Variants in YAP1 observed in about 807,000 individuals in gnomAD.
YAP1 encodes the protein Yes1 associated transcriptional regulator, also known as transcriptional coactivator YAP1.
A neutral mutation model predicts 56.9 loss-of-function variants in YAP1; 5 were observed. The ratio of observed to expected loss-of-function variants is 0.09; its 90% confidence interval spans 0.05 to 0.18. The LOEUF is 0.18. YAP1 is among the 10% of genes least tolerant of loss of function. The pLI, the probability that YAP1 is intolerant of heterozygous loss-of-function variation, is 1.00. For missense variants in YAP1, 539 were observed against 651.8 expected (o/e 0.83, Z 1.88); for synonymous variants, 265 against 248.1 (o/e 1.07, Z -0.64).
rs377303467 is a variant in YAP1 at position 102,138,125 on chromosome 11, TC to T, written c.572+23733del. The stretch of plus-strand genomic sequence containing the variant: ...TGGTCTCAAACTCCTGACCCTGTGA[TC>T]CGCCTGCCTTGGCCTCCCAAAGTGC... On this transcript the variant is annotated intron_variant, in intron 2 of 8. Coordinates refer to ENST00000282441, the MANE Select transcript of YAP1 (RefSeq NM_001130145.3). Among the ~76,000 whole-genome samples, 936 of 152,344 alleles carry T rather than the reference TC, an allele frequency of 6.1e-3. 10 individuals are homozygous for T. The highest frequency in any genetic ancestry group is 0.021 in the African/African-American group (894 of 41,588).
intron 5 of YAP1, 35 bp from the exon 6 acceptor site, chr11:102,209,482 A>G (rs1301332112): frequency 2.5e-6 from 4 of 1,593,414 alleles, no homozygotes; most frequent in Middle Eastern, 1.7e-4. Context: ...ATGTGGCTTA[A>G]AGTAATTTTT....
At chr11:102,203,301 G>C (rs949511531) in intron 4 of YAP1, among the ~76,000 whole-genome samples, 4 of 152,210 alleles carry the variant, frequency 2.6e-5, no homozygotes, top group Non-Finnish European at 4.4e-5. Context: ...ACAATGTATG[G>C]ACCTTGTTTG....
chr11:102,157,077 A>G (rs1945997496), intron 2 of YAP1, among the ~76,000 whole-genome samples: 2 of 152,226 alleles, frequency 1.3e-5, no homozygotes, highest in African/African-American at 2.4e-5. Context: ...ATACTTGTTC[A>G]TAATTTTAAC....
chr11:102,119,787 CT>C (rs766035345), intron 2 of YAP1, among the ~76,000 whole-genome samples: 8 of 152,038 alleles, frequency 5.3e-5, no homozygotes, highest in Non-Finnish European at 1.0e-4. Flanking sequence ...TGCCTTGTAC[CT>C]TAAGGCTTTG....
intron 6 of YAP1, among the ~76,000 whole-genome samples, chr11:102,221,941 A>G (rs1444559516): frequency 6.6e-6 from 1 of 152,112 alleles, no homozygotes; most frequent in East Asian, 1.9e-4. Flanking sequence ...AGCGAAAGTT[A>G]ATGTGTAATT....
intron 2 of YAP1, among the ~76,000 whole-genome samples, chr11:102,128,329 C>T (rs556546591): frequency 5.9e-5 from 9 of 152,174 alleles, no homozygotes; most frequent in South Asian, 2.1e-4. Context: ...TAGTCTTTCC[C>T]GTGCTATTCT....
chr11:102,222,808 G>A (rs1949996685), intron 6 of YAP1, among the ~76,000 whole-genome samples: 2 of 151,756 alleles, frequency 1.3e-5, no homozygotes, highest in African/African-American at 4.8e-5. Context: ...TAGTGTTGGG[G>A]GTTGGGGAAG....
At position 102,166,162 on chromosome 11, in the gene YAP1, A is replaced by C. The variant is rs190457621; in HGVS notation, c.688+3591A>C. Among the ~76,000 whole-genome samples the C allele has an allele frequency of 3.3e-5, 5 of 152,300 alleles. No individual in the cohort carries two copies. The East Asian group carries it at 7.7e-4, about 23-fold the overall frequency. The stretch of plus-strand genomic sequence containing the variant: ...CAAATTAGAGTGAAGTGTTATCTTA[A>C]ATATATATGAATTCCCAGAATCAGA... On this transcript the variant is annotated intron_variant, in intron 3 of 8. Transcript: ENST00000282441.
intron 4 of YAP1, among the ~76,000 whole-genome samples, chr11:102,188,262 G>T (rs537759188): frequency 1.3e-5 from 2 of 152,220 alleles, no homozygotes; most frequent in African/African-American, 4.8e-5. Flanking sequence ...TTTGCTTTTC[G>T]ATATTCTTCA....
intron 3 of YAP1, among the ~76,000 whole-genome samples, chr11:102,166,254 C>T (rs1252539835): frequency 6.6e-6 from 1 of 152,182 alleles, no homozygotes; most frequent in African/African-American, 2.4e-5. Context: ...GCTGAGGGTA[C>T]TGATAATATC....
At chr11:102,150,424 A>G (rs189425799) in intron 2 of YAP1, among the ~76,000 whole-genome samples, 2 of 152,314 alleles carry the variant, frequency 1.3e-5, no homozygotes, top group Admixed American at 6.5e-5. Flanking sequence ...TTTTAAAGTG[A>G]TGACGTAGTG....
At position 102,149,853 on chromosome 11, in the gene YAP1, G is replaced by C. The variant is rs184704173; in HGVS notation, c.573-12603G>C. 2.4e-3 allele frequency among the ~76,000 whole-genome samples: 360 copies of C among 151,958 alleles called. 2 individuals are homozygous for C. Among genetic ancestry groups the C allele is most frequent in the Middle Eastern group, 0.01 (3 of 290 alleles). ...TGACATCACCTGGCATGATGACTTTGCTCATAGTTGTTGCTCAGGAACATT... is the reference window on the plus strand; with the variant it reads ...TGACATCACCTGGCATGATGACTTTCCTCATAGTTGTTGCTCAGGAACATT... On this transcript the variant is annotated intron_variant, in intron 2 of 8. Transcript: ENST00000282441.
intron 2 of YAP1, among the ~76,000 whole-genome samples, chr11:102,141,942 G>A (rs1247379845): frequency 2.0e-5 from 3 of 152,138 alleles, no homozygotes; most frequent in Admixed American, 6.6e-5. Context: ...TATGTGATTC[G>A]TAAGAACTTT....
chr11:102,158,642 A>G (rs1451239523), intron 2 of YAP1, among the ~76,000 whole-genome samples: 1 of 152,186 alleles, frequency 6.6e-6, no homozygotes, highest in Non-Finnish European at 1.5e-5. Flanking sequence ...TTATCACAGT[A>G]CCAGTATCAA....
At chr11:102,229,621 G>A in intron 8 of YAP1, 81 bp from the exon 9 acceptor site, 1 of 1,324,704 alleles carries the variant, frequency 7.5e-7, no homozygotes, top group Non-Finnish European at 1.1e-6. Context: ...CTTTCCCTGT[G>A]CATTTCTCTG....
At chr11:102,191,346 G>A (rs1360521039) in intron 4 of YAP1, among the ~76,000 whole-genome samples, 2 of 151,444 alleles carry the variant, frequency 1.3e-5, no homozygotes, top group East Asian at 1.9e-4. Flanking sequence ...ACGATTCCTC[G>A]GACCACCAAC....
At chr11:102,227,211 C>T (rs1245186326) in intron 7 of YAP1, 1 of 401,756 alleles carries the variant, frequency 2.5e-6, no homozygotes, top group Non-Finnish European at 4.5e-6. Flanking sequence ...CCCTTATTGT[C>T]ACCAAGCACA....
In YAP1 at chr11:102,221,731, TA is replaced by T. The variant is rs199559418; in HGVS notation, c.1033-1877del. Among the ~76,000 whole-genome samples, 1,278 of 138,570 alleles carry T rather than the reference TA, an allele frequency of 9.2e-3. 4 individuals carry two copies. Among genetic ancestry groups the T allele is most frequent in the African/African-American group, 0.021 (808 of 37,850 alleles). 90.9% of individuals were successfully genotyped at this position (138,570 alleles called of 152,430 possible). ...GAGTGAGACCCTGTCTCAAAAAGAT[TA>T]AAAAAAAAAAAAATCTAGAAGCACA... On this transcript the variant is annotated intron_variant, in intron 6 of 8. Transcript: ENST00000282441.
intron 2 of YAP1, among the ~76,000 whole-genome samples, chr11:102,121,609 T>TG (rs368269830): frequency 4.6e-5 from 7 of 152,002 alleles, no homozygotes; most frequent in Non-Finnish European, 1.0e-4. Context: ...ACCACCCCAT[T>TG]GGTCACTTAG....
Sources: gnomAD v4.1 joint callset for allele counts (sites outside exome capture counted in the v4.1 genomes callset) on GRCh38, gnomAD v4.1.1 for gene constraint, MANE v1.5 for transcripts, NCBI Gene and HGNC (gene_info 2026-07-23, HGNC 2026-07-21) for gene names.